Variants in RNF2 observed in about 807,000 individuals in gnomAD.
RNF2 encodes ring finger protein 2.
RNF2 carries 6 observed loss-of-function variants against 37.2 expected under a neutral mutation model. The ratio of observed to expected loss-of-function variants is 0.16; its 90% CI spans 0.09 to 0.32. The LOEUF (loss-of-function observed/expected upper bound fraction) is 0.32. RNF2 is among the 10% of genes least tolerant of loss of function. The probability of loss-of-function intolerance (pLI) is 1.00; values close to 1 mark genes in which losing one functional copy is unlikely to be tolerated. For synonymous variants in RNF2, 133 were observed against 132.7 expected (o/e 1.00, Z -0.02); for missense variants, 251 against 404.0 (o/e 0.62, Z 3.25).
intron 1 of RNF2, among the ~76,000 whole-genome samples, chr1:185,076,267 TG>T (rs1651151796): frequency 8.7e-6 from 1 of 114,470 alleles, no homozygotes; most frequent in Non-Finnish European, 1.7e-5. Context: ...TTTTATGGGT[TG>T]TTTTTTTTTT....
In RNF2 at chr1:185,085,256, C is replaced by T. The variant is rs1168213310; in HGVS notation, c.-2-2296C>T. Among the ~76,000 whole-genome samples the T allele has an allele frequency of 2.8e-5, 4 of 140,696 alleles. No homozygotes were observed. The East Asian group carries it at 8.7e-4, about 31-fold the overall frequency. The allele number at this position is 140,696 out of a possible 152,430, so 92.3% of individuals were successfully genotyped here. The stretch of plus-strand genomic sequence containing the variant: ...CTCCGCCTCCCGGGTTCATGCTATT[C>T]TCCTGCCTCAGCCTCCCCAATAACT... On this transcript the variant is annotated intron_variant, in intron 1 of 6. Coordinates refer to ENST00000367510, the MANE Select transcript of RNF2 (RefSeq NM_007212.4).
chr1:185,086,607 C>CTG (rs1483398434), intron 1 of RNF2, among the ~76,000 whole-genome samples: 1 of 152,146 alleles, frequency 6.6e-6, no homozygotes, highest in African/African-American at 2.4e-5. Context: ...ATTTGAAAGG[C>CTG]TGTCATGTAG....
intron 4 of RNF2, among the ~76,000 whole-genome samples, chr1:185,093,737 C>T (rs139595899): frequency 6.6e-6 from 1 of 152,218 alleles, no homozygotes; most frequent in Non-Finnish European, 1.5e-5. Flanking sequence ...ACCTGGCTTT[C>T]AGGAGGCCAT....
chr1:185,085,663 T>G (rs1289470303), intron 1 of RNF2, among the ~76,000 whole-genome samples: 1 of 151,916 alleles, frequency 6.6e-6, no homozygotes, highest in Non-Finnish European at 1.5e-5. Context: ...TTAAAACTTT[T>G]TTTTTTTTGA....
rs888123481 is a variant in RNF2, at chr1:185,099,689, A to G, written c.738-102A>G. The G allele has an allele frequency of 4.2e-6, 4 of 957,150 alleles. No individual in the cohort carries two copies. The African/African-American group carries it at 5.0e-5, about 12-fold the overall frequency. 59.3% of individuals were successfully genotyped at this position (957,150 alleles called of 1,614,324 possible). A position where few individuals can be genotyped will look rare whatever the true frequency, so the allele number is the denominator to read the frequency against. On this transcript the variant is annotated intron_variant, in intron 5 of 6. Transcript: ENST00000367510. ...TTTTGTCAATAATTGAGACATTGCC[A>G]TTTTACTTAGTTTTTAAGAAATGTA...
intron 1 of RNF2, among the ~76,000 whole-genome samples, chr1:185,079,607 A>T (rs1050801362): frequency 5.9e-5 from 9 of 152,136 alleles, no homozygotes; most frequent in African/African-American, 1.9e-4. Context: ...ATAAAATGAG[A>T]TGTTGTCCAA....
At chr1:185,085,387 C>T (rs1185551704) in intron 1 of RNF2, among the ~76,000 whole-genome samples, 1 of 151,932 alleles carries the variant, frequency 6.6e-6, no homozygotes, top group African/African-American at 2.4e-5. Flanking sequence ...CCGCCTGCCT[C>T]GGCCTCCCAA....
At chr1:185,074,017 G>A (rs1189303777) in intron 1 of RNF2, among the ~76,000 whole-genome samples, 1 of 152,162 alleles carries the variant, frequency 6.6e-6, no homozygotes, top group African/African-American at 2.4e-5. Context: ...GGGGATTTCC[G>A]CAATCCCCTT....
chr1:185,069,902 G>A (rs776951468), intron 1 of RNF2, among the ~76,000 whole-genome samples: 60 of 152,166 alleles, frequency 3.9e-4, no homozygotes, highest in Non-Finnish European at 7.4e-4. Context: ...AATTTTGTTC[G>A]TTATAGAATA....
chr1:185,090,220 G>A (rs1247975653), intron 2 of RNF2, among the ~76,000 whole-genome samples: 1 of 152,142 alleles, frequency 6.6e-6, no homozygotes, highest in Non-Finnish European at 1.5e-5. Context: ...GTGCCTGGCC[G>A]AGGCTGGTGA....
chr1:185,053,437 T>C (rs1650327794), intron 1 of RNF2, among the ~76,000 whole-genome samples: 1 of 152,022 alleles, frequency 6.6e-6, no homozygotes, highest in South Asian at 2.1e-4. Flanking sequence ...TGGGCTCAAG[T>C]GATCCTCCCG....
rs545496691 is a variant in RNF2 at position 185,072,518 on chromosome 1, T to G, written c.-2-15034T>G. 2.0e-5 allele frequency among the ~76,000 whole-genome samples: 3 copies of G among 152,116 alleles called. No homozygotes were observed. In the East Asian group the frequency reaches 5.8e-4, roughly 30 times the overall value. On this transcript the variant is annotated intron_variant, in intron 1 of 6. Transcript: ENST00000367510. Reference sequence around the variant, plus strand: ...TTACAAGGTTAGAATTTCTTTAGAATGCATGAGGGAGCTAGCTATGGGAAA... The same window carrying G: ...TTACAAGGTTAGAATTTCTTTAGAAGGCATGAGGGAGCTAGCTATGGGAAA...
intron 1 of RNF2, among the ~76,000 whole-genome samples, chr1:185,069,092 A>G (rs541521398): frequency 6.6e-6 from 1 of 152,286 alleles, no homozygotes; most frequent in East Asian, 1.9e-4. Flanking sequence ...ATTTTACAAC[A>G]TAGTGTAAGC....
intron 1 of RNF2, among the ~76,000 whole-genome samples, chr1:185,068,415 T>G (rs1301178527): frequency 1.3e-5 from 2 of 152,236 alleles, no homozygotes. Context: ...TGTCCTGGAT[T>G]ATCCAGGTAG....
intron 1 of RNF2, among the ~76,000 whole-genome samples, chr1:185,049,237 G>A (rs1393436265): frequency 2.0e-5 from 3 of 152,212 alleles, no homozygotes; most frequent in East Asian, 3.9e-4. Flanking sequence ...AGGATCTCAT[G>A]CCACACTATC....
chr1:185,060,753 G>A (rs1329208750), intron 1 of RNF2, among the ~76,000 whole-genome samples: 1 of 152,138 alleles, frequency 6.6e-6, no homozygotes, highest in Non-Finnish European at 1.5e-5. Flanking sequence ...AATCTAGCCT[G>A]GCAGATGAGA....
rs187569133 is a variant in RNF2 at position 185,059,225 on chromosome 1, G to C, written c.-3+13576G>C. On this transcript the variant is annotated intron_variant, in intron 1 of 6. Transcript: ENST00000367510. ...TAGAAGTCTCCTGAATCCCAGTCTGGATTAAAAAAAAAAAACCTCCGTAAT... is the reference window on the plus strand; with the variant it reads ...TAGAAGTCTCCTGAATCCCAGTCTGCATTAAAAAAAAAAAACCTCCGTAAT... Among the ~76,000 whole-genome samples, 883 of 101,802 alleles carry C rather than the reference G, an allele frequency of 8.7e-3. 11 individuals are homozygous for C. Among genetic ancestry groups the C allele is most frequent in the Non-Finnish European group, 9.0e-3 (473 of 52,314 alleles). 66.8% of individuals were successfully genotyped at this position (101,802 alleles called of 152,430 possible).
chr1:185,063,125 C>T (rs1465209800), intron 1 of RNF2, among the ~76,000 whole-genome samples: 5 of 152,164 alleles, frequency 3.3e-5, no homozygotes, highest in Non-Finnish European at 5.9e-5. Context: ...TACACTAAAC[C>T]TGTAACTGTA....
At chr1:185,099,486 TC>T (rs3841690) in intron 5 of RNF2, among the ~76,000 whole-genome samples, 4 of 152,212 alleles carry the variant, frequency 2.6e-5, no homozygotes, top group Non-Finnish European at 2.9e-5. Context: ...TTCCTTTTTT[TC>T]CCCTTAGTAC....
Sources: allele counts gnomAD v4.1 joint callset (sites outside exome capture counted in the v4.1 genomes callset), GRCh38; gene constraint gnomAD v4.1.1; transcripts MANE v1.5; gene names NCBI Gene and HGNC (gene_info 2026-07-23, HGNC 2026-07-21).